Variants in ABHD6 observed in about 807,000 individuals in gnomAD.
The protein encoded by ABHD6 is monoacylglycerol lipase ABHD6.
ABHD6 carries 33 observed loss-of-function variants against 38.8 expected under a neutral mutation model. The ratio of observed to expected loss-of-function variants is 0.85; its 90% CI spans 0.64 to 1.14. The LOEUF is 1.14. ABHD6 is among the 50% of genes most tolerant of loss of function. The pLI, the probability that ABHD6 is intolerant of heterozygous loss-of-function variation, is 0.00. For synonymous variants in ABHD6, 147 were observed against 161.6 expected (o/e 0.91, Z 0.69); for missense variants, 380 against 422.6 (o/e 0.90, Z 0.88).
chr3:58,246,390 C>A (rs55867324), intron 1 of ABHD6, among the ~76,000 whole-genome samples: 1 of 152,156 alleles, frequency 6.6e-6, no homozygotes, highest in Admixed American at 6.5e-5. Context: ...AAAGCTGTAC[C>A]ACAGGATACA....
chr3:58,277,129 A>G (rs915853668), intron 7 of ABHD6, among the ~76,000 whole-genome samples: 3 of 152,144 alleles, frequency 2.0e-5, no homozygotes, highest in Non-Finnish European at 4.4e-5. Flanking sequence ...ACTTTAAAGT[A>G]GTTTTTTTCC....
At chr3:58,281,077 T>A (rs563698869) in intron 7 of ABHD6, among the ~76,000 whole-genome samples, 2 of 152,362 alleles carry the variant, frequency 1.3e-5, no homozygotes, top group East Asian at 3.9e-4. Context: ...GGAGGCAGTC[T>A]GTCTGTCTCA....
rs769155755 is a variant in ABHD6, at chr3:58,256,076, A to AACACACAC, written c.-25-460_-25-453dup. On this transcript the variant is annotated intron_variant, in intron 2 of 9. Transcript: ENST00000478253. The surrounding 1 kb of genome is among the most constrained non-coding windows in gnomAD (Gnocchi z 4.3). The stretch of plus-strand genomic sequence containing the variant: ...TATTTCTCTCTCTTTTCCTCCCACC[A>AACACACAC]ACACACACACACACACACACACACA... 3.4e-3 allele frequency among the ~76,000 whole-genome samples: 222 copies of AACACACAC among 65,552 alleles called. 3 individuals carry two copies. Among genetic ancestry groups the AACACACAC allele is most frequent in the African/African-American group, 6.3e-3 (62 of 9,830 alleles). The allele number at this position is 65,552 out of a possible 152,430, so 43.0% of individuals were successfully genotyped here.
chr3:58,289,033 GT>G, intron 9 of ABHD6, among the ~76,000 whole-genome samples: 1 of 151,958 alleles, frequency 6.6e-6, no homozygotes. Context: ...TTTGATTTTT[GT>G]TTTTTGTTGG....
intron 1 of ABHD6, among the ~76,000 whole-genome samples, chr3:58,246,689 C>T (rs983866355): frequency 6.6e-6 from 1 of 151,794 alleles, no homozygotes; most frequent in South Asian, 2.1e-4. Context: ...TAATCAGTAC[C>T]TCTCCCAGAA....
chr3:58,274,485 C>T (rs1388319800), intron 6 of ABHD6, among the ~76,000 whole-genome samples, 173 bp from the exon 7 acceptor site: 1 of 152,026 alleles, frequency 6.6e-6, no homozygotes, highest in Non-Finnish European at 1.5e-5. Flanking sequence ...TTGTGTGTTT[C>T]TCAGTGTGGT....
Position 58,293,878 on chromosome 3 carries a change from C to T in ABHD6, c.*113C>T. On this transcript the variant is annotated 3_prime_UTR_variant, in exon 10 of 10. Coordinates refer to ENST00000478253, the MANE Select transcript of ABHD6 (RefSeq NM_001320126.2). The surrounding 1 kb of genome is among the most constrained non-coding windows in gnomAD (Gnocchi z 4.4). ...CAAATGCGGTCGGAGCGCCAGTGACCCTGAGGAAGCCCGTCCCTTATCCCT... is the reference window on the plus strand; with the variant it reads ...CAAATGCGGTCGGAGCGCCAGTGACTCTGAGGAAGCCCGTCCCTTATCCCT... 1 of 1,219,776 alleles carries T rather than the reference C, an allele frequency of 8.2e-7. No individual in the cohort carries two copies. Among genetic ancestry groups the T allele is most frequent in the Non-Finnish European group, 1.1e-6 (1 of 886,712 alleles). 75.6% of individuals were successfully genotyped at this position (1,219,776 alleles called of 1,614,324 possible).
intron 3 of ABHD6, among the ~76,000 whole-genome samples, chr3:58,264,564 A>G (rs1324248847): frequency 6.6e-6 from 1 of 151,918 alleles, no homozygotes; most frequent in Non-Finnish European, 1.5e-5. Context: ...TGGTATATGC[A>G]CCTGTAATTT....
rs982211124 is a variant in ABHD6 at position 58,285,861 on chromosome 3, G to A, written c.837+408G>A. ...TTCTTTTCTTTTTTTCGTTTGAGACGGAGTCTTGCTCTGTCACCCAGGCTG... is the reference window on the plus strand; with the variant it reads ...TTCTTTTCTTTTTTTCGTTTGAGACAGAGTCTTGCTCTGTCACCCAGGCTG... On this transcript the variant is annotated intron_variant, in intron 9 of 9. Transcript: ENST00000478253. This position sits in a 1 kb window ranked among gnomAD's most constrained non-coding sequence, Gnocchi z 4.9. 4.0e-5 allele frequency among the ~76,000 whole-genome samples: 6 copies of A among 151,760 alleles called. No homozygotes were observed. Among genetic ancestry groups the A allele is most frequent in the African/African-American group, 9.7e-5 (4 of 41,332 alleles).
chr3:58,254,857 CA>C (rs1559772654), intron 2 of ABHD6, among the ~76,000 whole-genome samples: 3 of 112,844 alleles, frequency 2.7e-5, no homozygotes, highest in Non-Finnish European at 5.4e-5. Context: ...TGTATACACA[CA>C]CACACACACA....
At position 58,293,791 on chromosome 3, in the gene ABHD6, C is replaced by T. The variant is rs1195572529; in HGVS notation, c.*26C>T. On this transcript the variant is annotated 3_prime_UTR_variant, in exon 10 of 10. Coordinates refer to ENST00000478253, the MANE Select transcript of ABHD6 (RefSeq NM_001320126.2). The surrounding 1 kb of genome is among the most constrained non-coding windows in gnomAD (Gnocchi z 4.4). ...GGCCCCGACTGCAGCCTGCATTCTG[C>T]ACACAGCATCTGCTCCCATCCCCCA... 1.2e-6 allele frequency: 2 copies of T among 1,608,278 alleles called. No individual in the cohort carries two copies. Among genetic ancestry groups the T allele is most frequent in the African/African-American group, 2.7e-5 (2 of 74,832 alleles).
rs1234715234 is a variant in ABHD6 at position 58,293,748 on chromosome 3, A to C, written c.997A>C (p.Asn333His). The C allele has an allele frequency of 6.2e-7, 1 of 1,614,142 alleles. No homozygotes were observed. Among genetic ancestry groups the C allele is most frequent in the South Asian group, 1.1e-5 (1 of 91,082 alleles). ...AGCTTCTGTGCACAACACAGACAAC[A>C]ACAAGAAGCTGGACTGAGGCCCCGA... ...FLASVHNTDN[N>H]KKLD The change falls in exon 10 of 10, where the codon AAC becomes CAC. Residue 333 changes from asparagine (N) to histidine (H), a missense_variant. Transcript: ENST00000478253. This position sits in a 1 kb window ranked among gnomAD's most constrained non-coding sequence, Gnocchi z 4.4.
chr3:58,290,089 G>A (rs1432606655), intron 9 of ABHD6, among the ~76,000 whole-genome samples: 2 of 121,138 alleles, frequency 1.7e-5, no homozygotes, highest in African/African-American at 3.5e-5. Context: ...CGGGCAGAGA[G>A]GCTCCTCACT....
intron 6 of ABHD6, among the ~76,000 whole-genome samples, chr3:58,274,333 C>T (rs1025590611): frequency 4.6e-5 from 7 of 152,306 alleles, no homozygotes; most frequent in African/African-American, 1.7e-4. Flanking sequence ...ATATGAATCC[C>T]CTGGCAACTT....
chr3:58,288,416 G>A (rs537518960), intron 9 of ABHD6, among the ~76,000 whole-genome samples: 4 of 152,304 alleles, frequency 2.6e-5, no homozygotes, highest in African/African-American at 9.6e-5. Flanking sequence ...GTTTCTGCAT[G>A]CTTCATTTCA....
intron 1 of ABHD6, among the ~76,000 whole-genome samples, chr3:58,242,034 C>T (rs548866295): frequency 3.9e-5 from 6 of 152,134 alleles, no homozygotes; most frequent in African/African-American, 1.2e-4. Flanking sequence ...TTACAGAGAG[C>T]GGCAGTGCTT....
Position 58,285,504 on chromosome 3 carries a change from G to A in ABHD6, c.837+51G>A, listed in dbSNP as rs946418003. On this transcript the variant is annotated intron_variant, in intron 9 of 9. Transcript: ENST00000478253. This position sits in a 1 kb window ranked among gnomAD's most constrained non-coding sequence, Gnocchi z 4.9. ...CTGTGCTGGTCACCAGGGCCTCTGA[G>A]GAAAAACGTCCTTGAGGAAGAACAA... 8 of 1,476,880 alleles carry A rather than the reference G, an allele frequency of 5.4e-6. No individual in the cohort carries two copies. The highest frequency in any genetic ancestry group is 7.6e-6 in the Non-Finnish European group (8 of 1,055,986). 91.5% of individuals were successfully genotyped at this position (1,476,880 alleles called of 1,614,324 possible). A position where few individuals can be genotyped will look rare whatever the true frequency, so the allele number is the denominator to read the frequency against.
chr3:58,294,034 A>G lies in ABHD6; in HGVS notation c.*269A>G, dbSNP rs114913182. ...AATCTACCATGAAGTCTTCAAGTTC[A>G]TGTCACTGAGAAGCTTGTGCAAAGC... is the stretch of plus-strand genomic sequence containing the variant. On this transcript the variant is annotated 3_prime_UTR_variant, in exon 10 of 10. Coordinates refer to ENST00000478253, the MANE Select transcript of ABHD6 (RefSeq NM_001320126.2). 7.9e-4 allele frequency: 267 copies of G among 338,066 alleles called. 1 individual carries two copies. The highest frequency in any genetic ancestry group is 4.5e-3 in the African/African-American group (217 of 47,720). The allele number at this position is 338,066 out of a possible 1,614,324, so 20.9% of individuals were successfully genotyped here. A position where few individuals can be genotyped will look rare whatever the true frequency, so the allele number is the denominator to read the frequency against.
At chr3:58,258,991 A>G (rs1360733208) in intron 3 of ABHD6, among the ~76,000 whole-genome samples, 1 of 152,168 alleles carries the variant, frequency 6.6e-6, no homozygotes, top group Non-Finnish European at 1.5e-5. Context: ...AGGCTCCTGG[A>G]TGACCCCTGA....
Sources: allele counts gnomAD v4.1 joint callset (sites outside exome capture counted in the v4.1 genomes callset), GRCh38; gene constraint gnomAD v4.1.1; non-coding constraint Gnocchi (gnomAD v3.1); transcripts MANE v1.5; gene names NCBI Gene and HGNC (gene_info 2026-07-23, HGNC 2026-07-21).